SLC7A14: variants seen among roughly 807,000 people sequenced by gnomAD.
The protein encoded by SLC7A14 is solute carrier family 7 member 14.
A neutral mutation model predicts 60.2 loss-of-function variants in SLC7A14; 37 were observed. That is an observed-to-expected ratio of 0.61 (90% confidence interval 0.47 to 0.81). SLC7A14 has a LOEUF of 0.81. Ranked by LOEUF, SLC7A14 falls within the 30% of genes least tolerant of loss-of-function variation. The pLI is 0.00. For synonymous variants in SLC7A14, 399 were observed against 395.8 expected, an observed-to-expected ratio of 1.01 and a Z score of -0.10; for missense variants, 886 against 982.7, an observed-to-expected ratio of 0.90 and a Z score of 1.32.
Position 170,501,321 on chromosome 3 carries a change from A to G in SLC7A14, c.329T>C (p.Val110Ala). ...LSGVCYAEFG[V>A]RVPKTTGSAY... is the part of the protein sequence containing the mutation. ...AGATCCTGTGGTCTTGGGGACTCGA[A>G]CTCCAAACTCTGCATAGCAGACGCC... Residue 110 changes from valine (V) to alanine (A), a missense_variant, in exon 3 of 8, where the codon GTT becomes GCT. Transcript: ENST00000231706. 6.2e-7 allele frequency: 1 copy of G among 1,614,134 alleles called. No individual in the cohort carries two copies. Among genetic ancestry groups the G allele is most frequent in the Non-Finnish European group, 8.5e-7 (1 of 1,180,014 alleles).
At chr3:170,521,875 C>T (rs1212256582) in intron 2 of SLC7A14, among the ~76,000 whole-genome samples, 3 of 151,740 alleles carry the variant, frequency 2.0e-5, no homozygotes, top group East Asian at 1.9e-4. Flanking sequence ...GAGCCGAGAT[C>T]GTGCCATTGC....
At chr3:170,522,253 T>G (rs1004150822) in intron 2 of SLC7A14, among the ~76,000 whole-genome samples, 11 of 152,338 alleles carry the variant, frequency 7.2e-5, no homozygotes, top group Non-Finnish European at 1.3e-4. Flanking sequence ...AGTTGAGCAT[T>G]CACTTACCAT....
At chr3:170,543,529 A>G (rs927598704) in intron 1 of SLC7A14, among the ~76,000 whole-genome samples, 3 of 151,650 alleles carry the variant, frequency 2.0e-5, no homozygotes, top group East Asian at 2.0e-4. Context: ...CATGCTTGTA[A>G]TCCCAGCTAC....
intron 1 of SLC7A14, among the ~76,000 whole-genome samples, chr3:170,571,951 C>G (rs149149037): frequency 6.6e-6 from 1 of 150,998 alleles, no homozygotes; most frequent in South Asian, 2.1e-4. Flanking sequence ...GTCCCAACTA[C>G]TCAGGAGGCT....
At chr3:170,545,751 T>C (rs1437988563) in intron 1 of SLC7A14, among the ~76,000 whole-genome samples, 1 of 152,268 alleles carries the variant, frequency 6.6e-6, no homozygotes, top group Admixed American at 6.5e-5. Flanking sequence ...AGAAAACTTT[T>C]CAATTAGGTT....
intron 2 of SLC7A14, among the ~76,000 whole-genome samples, chr3:170,524,535 T>C (rs1191809576): frequency 2.6e-5 from 4 of 152,182 alleles, no homozygotes; most frequent in African/African-American, 9.7e-5. Context: ...TATTGAAAAC[T>C]GTGTAGTCTT....
chr3:170,518,035 T>A (rs75666280), intron 2 of SLC7A14, among the ~76,000 whole-genome samples: 1,885 of 152,316 alleles, frequency 0.012, 37 homozygotes, highest in African/African-American at 0.043. Context: ...AGCTTTGGAA[T>A]CCTACAGTCA....
chr3:170,551,209 G>C (rs1394226098), intron 1 of SLC7A14, among the ~76,000 whole-genome samples: 1 of 152,112 alleles, frequency 6.6e-6, no homozygotes, highest in African/African-American at 2.4e-5. Context: ...CATCCATGTT[G>C]TATCACATAT....
chr3:170,508,329 C>G (rs1031706867), intron 2 of SLC7A14, among the ~76,000 whole-genome samples: 4 of 152,234 alleles, frequency 2.6e-5, no homozygotes, highest in African/African-American at 9.6e-5. Context: ...TTTACAGTTT[C>G]ATGCAGGCCT....
At chr3:170,472,811 T>C (rs569286995) in intron 7 of SLC7A14, among the ~76,000 whole-genome samples, 80 of 151,866 alleles carry the variant, frequency 5.3e-4, no homozygotes, top group African/African-American at 1.8e-3. Flanking sequence ...ACGGGAAATA[T>C]TCAAAGGGAG....
chr3:170,539,436 G>T, intron 1 of SLC7A14, among the ~76,000 whole-genome samples: 1 of 152,032 alleles, frequency 6.6e-6, no homozygotes, highest in Non-Finnish European at 1.5e-5. Flanking sequence ...ATCTGTCTGT[G>T]CATCTATCTA....
In SLC7A14 at chr3:170,498,837, C is replaced by G. The variant is rs1299268331; in HGVS notation, c.589G>C (p.Val197Leu). ...YPDLLALLIAVIVTIIVALGV... is the reference protein window; with the variant it reads ...YPDLLALLIALIVTIIVALGV... ...AGAGCAACAATGATGGTCACGATGACCGCGATCAACAGAGCCAGAAGGTCT... is the reference window on the plus strand; with the variant it reads ...AGAGCAACAATGATGGTCACGATGAGCGCGATCAACAGAGCCAGAAGGTCT... The change falls in exon 4 of 8, where the codon GTC (valine) becomes CTC (leucine). Residue 197 changes from valine (V) to leucine (L), a missense_variant. Coordinates refer to ENST00000231706, the MANE Select transcript of SLC7A14 (RefSeq NM_020949.3). The G allele has an allele frequency of 6.2e-7, 1 of 1,614,018 alleles. No homozygotes were observed. The highest frequency in any genetic ancestry group is 8.5e-7 in the Non-Finnish European group (1 of 1,180,030).
intron 1 of SLC7A14, among the ~76,000 whole-genome samples, chr3:170,547,079 A>G (rs1714202170): frequency 6.6e-6 from 1 of 151,972 alleles, no homozygotes; most frequent in Non-Finnish European, 1.5e-5. Flanking sequence ...GGCTGGGTCT[A>G]CCTGGATGGA....
rs1238166425 is a variant in SLC7A14 at position 170,585,345 on chromosome 3, G to A, written c.-153+566C>T. Among the ~76,000 whole-genome samples, 3 of 152,300 alleles carry A rather than the reference G, an allele frequency of 2.0e-5. No individual in the cohort carries two copies. Among genetic ancestry groups the A allele is most frequent in the Non-Finnish European group, 4.4e-5 (3 of 68,016 alleles). On this transcript the variant is annotated intron_variant, in intron 1 of 7. Coordinates refer to ENST00000231706, the MANE Select transcript of SLC7A14 (RefSeq NM_020949.3). The surrounding 1 kb of genome is among the most constrained non-coding windows in gnomAD (Gnocchi z 5.1). ...TCGGGGCGCCACCATCCTGGTCGGG[G>A]TGCTGGGCTCGGCGGGAGTCCCTTT...
intron 1 of SLC7A14, among the ~76,000 whole-genome samples, chr3:170,564,548 T>C (rs1049440358): frequency 1.3e-5 from 2 of 152,228 alleles, no homozygotes; most frequent in Non-Finnish European, 2.9e-5. Flanking sequence ...AAGTTTATGT[T>C]TTAGCAGTTT....
At chr3:170,566,225 C>T (rs1560282372) in intron 1 of SLC7A14, among the ~76,000 whole-genome samples, 1 of 152,114 alleles carries the variant, frequency 6.6e-6, no homozygotes, top group African/African-American at 2.4e-5. Context: ...ATGCAAAGCT[C>T]ATCTGGTTTT....
intron 7 of SLC7A14, among the ~76,000 whole-genome samples, chr3:170,479,326 G>T (rs1711735917): frequency 6.6e-6 from 1 of 152,142 alleles, no homozygotes; most frequent in Admixed American, 6.5e-5. Flanking sequence ...TTACCAAGTT[G>T]TTCAGAGGAC....
At chr3:170,470,542 C>G (rs887114895) in intron 7 of SLC7A14, among the ~76,000 whole-genome samples, 1 of 152,076 alleles carries the variant, frequency 6.6e-6, no homozygotes, top group Non-Finnish European at 1.5e-5. Context: ...AAGAAACGAC[C>G]GTGTGCATGC....
At chr3:170,496,562 G>T in intron 4 of SLC7A14, 1 of 1,598,948 alleles carries the variant, frequency 6.3e-7, no homozygotes, top group Non-Finnish European at 8.6e-7. Context: ...ACCAGGAGCT[G>T]ATGAACGTCA....
Sources: gnomAD v4.1 joint callset for allele counts (sites outside exome capture counted in the v4.1 genomes callset) on GRCh38, gnomAD v4.1.1 for gene constraint, Gnocchi (gnomAD v3.1) non-coding constraint, MANE v1.5 for transcripts, NCBI Gene and HGNC (gene_info 2026-07-23, HGNC 2026-07-21) for gene names.